HECTD4: variants seen among roughly 807,000 people sequenced by gnomAD.
HECTD4 encodes the protein HECT domain E3 ubiquitin protein ligase 4, also known as probable E3 ubiquitin-protein ligase HECTD4.
In HECTD4, 114 loss-of-function variants were observed where a neutral mutation model predicts 471.5. That is an observed-to-expected ratio of 0.24 (90% CI 0.21 to 0.28). The LOEUF (loss-of-function observed/expected upper bound fraction) is 0.28. HECTD4 is among the 10% of genes least tolerant of loss of function. HECTD4 has a pLI of 1.00. For missense variants in HECTD4, 3,866 were observed against 5,651.5 expected (o/e 0.68, Z 10.13); for synonymous variants, 2,012 against 2,256.0 (o/e 0.89, Z 3.07).
In HECTD4 at chr12:112,230,672, CA is replaced by C. The variant is rs1390067458; in HGVS notation, c.6336+14del. ...ACTTCTTATTTTCTCAGTTGAGTAG[CA>C]ACACTGCGCTAACCTTCTCTGCTGT... is the stretch of plus-strand genomic sequence containing the variant. On this transcript the variant is annotated intron_variant, in intron 40 of 75. Transcript: ENST00000682272. 4 of 1,599,658 alleles carry C rather than the reference CA, an allele frequency of 2.5e-6. No individual in the cohort carries two copies. The South Asian group carries it at 3.4e-5, about 14-fold the overall frequency.
chr12:112,257,563 A>C (rs2034045227), intron 20 of HECTD4, among the ~76,000 whole-genome samples: 1 of 152,208 alleles, frequency 6.6e-6, no homozygotes, highest in Admixed American at 6.5e-5. Context: ...GCTGTCTGTC[A>C]CTAGAGATTA....
chr12:112,238,321 T>C (rs993069465), intron 34 of HECTD4, among the ~76,000 whole-genome samples: 1 of 151,768 alleles, frequency 6.6e-6, no homozygotes, highest in African/African-American at 2.4e-5. Context: ...CAAGCAATCT[T>C]CCCACTTCAG....
rs748018943 is a variant in HECTD4, at chr12:112,172,706, G to A, written c.11750C>T (p.Ala3917Val). 1.7e-5 allele frequency: 27 copies of A among 1,613,886 alleles called. No homozygotes were observed. Among genetic ancestry groups the A allele is most frequent in the Middle Eastern group, 1.6e-4 (1 of 6,076 alleles). Residue 3917 changes from alanine (A) to valine (V), a missense_variant, in exon 67 of 76, where the codon GCG becomes GTG. Ala to Val is a moderately conservative substitution (Grantham distance 64). Transcript: ENST00000682272. ...GGCCACTCTGGGGTCAGCAGCATCC[G>A]CGGGGTCCAGGTACACCTCATGGGG... ...LHPHEVYLDP[A>V]DAADPRVACL...
chr12:112,237,299 T>C (rs2033533685), intron 34 of HECTD4, among the ~76,000 whole-genome samples: 1 of 152,188 alleles, frequency 6.6e-6, no homozygotes, highest in African/African-American at 2.4e-5. Context: ...GGGTAGACAT[T>C]ACTATTAATG....
chr12:112,299,233 G>A (rs1320434060), intron 7 of HECTD4, among the ~76,000 whole-genome samples: 2 of 152,008 alleles, frequency 1.3e-5, no homozygotes, highest in East Asian at 1.9e-4. Flanking sequence ...CAGACATCAC[G>A]CAATTCCATT....
chr12:112,212,256 T>A (rs78120600), intron 49 of HECTD4, among the ~76,000 whole-genome samples: 1 of 152,170 alleles, frequency 6.6e-6, no homozygotes, highest in African/African-American at 2.4e-5. Context: ...GCTAAAAAAA[T>A]GTCAAGGCAA....
Position 112,313,157 on chromosome 12 carries a change from G to C in HECTD4, c.786-10C>G. On this transcript the variant is annotated splice_polypyrimidine_tract_variant and intron_variant, in intron 3 of 75. Transcript: ENST00000682272. ...TTCCAAAAGCAACAGCCTATATGGG[G>C]GAGAAAGAAAATCACAAAGACACTG... The C allele has an allele frequency of 5.2e-6, 8 of 1,529,348 alleles. No homozygotes were observed. The highest frequency in any genetic ancestry group is 7.0e-6 in the Non-Finnish European group (8 of 1,143,138). The allele number at this position is 1,529,348 out of a possible 1,614,324, so 94.7% of individuals were successfully genotyped here.
chr12:112,327,858 G>A (rs2035776538), intron 1 of HECTD4, among the ~76,000 whole-genome samples: 1 of 152,068 alleles, frequency 6.6e-6, no homozygotes, highest in Non-Finnish European at 1.5e-5. Context: ...AAGACAGGAT[G>A]GTAAATGGGA....
intron 44 of HECTD4, among the ~76,000 whole-genome samples, chr12:112,221,741 G>GTTTTTC (rs1033272841): frequency 6.6e-6 from 1 of 150,952 alleles, no homozygotes; most frequent in African/African-American, 2.4e-5. Flanking sequence ...GCTGTCTCTT[G>GTTTTTC]TTTTTCTTTT....
At chr12:112,361,568 C>A (rs548162785) in intron 1 of HECTD4, among the ~76,000 whole-genome samples, 6 of 152,268 alleles carry the variant, frequency 3.9e-5, no homozygotes, top group African/African-American at 1.4e-4. Flanking sequence ...TCAACATACC[C>A]GGCCCTTATT....
chr12:112,229,577 G>T, intron 41 of HECTD4, 121 bp downstream of exon 41: 1 of 989,844 alleles, frequency 1.0e-6, no homozygotes, highest in African/African-American at 1.6e-5. Flanking sequence ...TATTTAGCTT[G>T]AAGAAACAGG....
chr12:112,319,807 A>G lies in HECTD4; in HGVS notation c.178-65T>C, dbSNP rs1021386176. 7 of 1,150,424 alleles carry G rather than the reference A, an allele frequency of 6.1e-6. No individual in the cohort carries two copies. The highest frequency in any genetic ancestry group is 7.7e-6 in the Non-Finnish European group (7 of 911,998). The allele number at this position is 1,150,424 out of a possible 1,614,324, so 71.3% of individuals were successfully genotyped here. A position where few individuals can be genotyped will look rare whatever the true frequency, so the allele number is the denominator to read the frequency against. ...TTCACCAAAGTCATCTAAGGAAGAA[A>G]ATATGTTTAATGATATCCCAAAATA... is the stretch of plus-strand genomic sequence containing the variant. On this transcript the variant is annotated intron_variant, in intron 1 of 75. Coordinates refer to ENST00000682272, the MANE Select transcript of HECTD4 (RefSeq NM_001388303.1). The surrounding 1 kb of genome is among the most constrained non-coding windows in gnomAD (Gnocchi z 5.3).
chr12:112,253,946 G>A, intron 22 of HECTD4, 97 bp downstream of exon 22: 1 of 1,367,098 alleles, frequency 7.3e-7, no homozygotes, highest in Non-Finnish European at 1.0e-6. Flanking sequence ...AAGCCCCCAG[G>A]GCAAATGTTT....
intron 60 of HECTD4, among the ~76,000 whole-genome samples, chr12:112,186,610 A>T (rs1473570624): frequency 6.7e-6 from 1 of 149,358 alleles, no homozygotes; most frequent in Non-Finnish European, 1.5e-5. Flanking sequence ...AAGTACTGGG[A>T]TTACAGGCAT....
At chr12:112,372,944 G>A (rs2036711642) in intron 1 of HECTD4, among the ~76,000 whole-genome samples, 2 of 149,338 alleles carry the variant, frequency 1.3e-5, no homozygotes, top group South Asian at 4.2e-4. Flanking sequence ...TGTTTGTAGG[G>A]AGAGAGTTTT....
At chr12:112,376,541 C>T (rs1384477157) in intron 1 of HECTD4, among the ~76,000 whole-genome samples, 4 of 152,086 alleles carry the variant, frequency 2.6e-5, no homozygotes, top group African/African-American at 7.2e-5. Context: ...CCACCACGCC[C>T]GGCCACACTC....
chr12:112,207,688 T>C (rs1183289539), intron 52 of HECTD4, among the ~76,000 whole-genome samples, 186 bp downstream of exon 52: 1 of 152,126 alleles, frequency 6.6e-6, no homozygotes, highest in Non-Finnish European at 1.5e-5. Flanking sequence ...TTCAGCTAAA[T>C]TGACAAGCAA....
intron 60 of HECTD4, among the ~76,000 whole-genome samples, chr12:112,186,439 G>A (rs1331219885): frequency 6.8e-6 from 1 of 147,032 alleles, no homozygotes; most frequent in East Asian, 2.0e-4. Context: ...CTGGGTTCAA[G>A]CAATTCTCTG....
chr12:112,232,478 C>T (rs9667996), intron 38 of HECTD4, among the ~76,000 whole-genome samples: 10 of 152,098 alleles, frequency 6.6e-5, no homozygotes, highest in Non-Finnish European at 1.3e-4. Context: ...CCCTGTGTGT[C>T]TCTCCCTGGA....
Sources: gnomAD v4.1 joint callset for allele counts (sites outside exome capture counted in the v4.1 genomes callset) on GRCh38, gnomAD v4.1.1 for gene constraint, Gnocchi (gnomAD v3.1) non-coding constraint, MANE v1.5 for transcripts, NCBI Gene and HGNC (gene_info 2026-07-23, HGNC 2026-07-21) for gene names.